GNAQ: variants seen among roughly 807,000 people sequenced by gnomAD.
The protein encoded by GNAQ is guanine nucleotide-binding protein G(q) subunit alpha.
GNAQ carries 8 observed loss-of-function variants against 43.9 expected under a neutral mutation model. The ratio of observed to expected loss-of-function variants is 0.18; its 90% CI spans 0.11 to 0.33. The LOEUF is 0.33. Ranked by LOEUF, GNAQ falls within the 10% of genes least tolerant of loss-of-function variation. GNAQ has a pLI of 1.00. For synonymous variants in GNAQ, 155 were observed against 170.7 expected (o/e 0.91, Z 0.71); for missense variants, 158 against 450.8 (o/e 0.35, Z 5.88).
intron 3 of GNAQ, among the ~76,000 whole-genome samples, chr9:77,810,349 A>C (rs1239223153): frequency 6.6e-6 from 1 of 151,170 alleles, no homozygotes; most frequent in African/African-American, 2.4e-5. Context: ...TTTGAATTCA[A>C]CTCCTCCTCC....
intron 3 of GNAQ, among the ~76,000 whole-genome samples, chr9:77,802,849 C>T (rs1308393854): frequency 6.6e-6 from 1 of 152,096 alleles, no homozygotes; most frequent in Non-Finnish European, 1.5e-5. Flanking sequence ...CTGCTTAAAC[C>T]CACCTTACTC....
intron 1 of GNAQ, among the ~76,000 whole-genome samples, chr9:78,008,020 C>T (rs765655398): frequency 6.6e-6 from 1 of 152,180 alleles, no homozygotes; most frequent in Non-Finnish European, 1.5e-5. Flanking sequence ...TTTCAACGAG[C>T]TATAATCATC....
At chr9:77,812,150 A>C (rs1356036449) in intron 3 of GNAQ, among the ~76,000 whole-genome samples, 2 of 152,248 alleles carry the variant, frequency 1.3e-5, no homozygotes, top group Non-Finnish European at 2.9e-5. Flanking sequence ...CAACTGATAA[A>C]AGAGGAAAAT....
intron 1 of GNAQ, among the ~76,000 whole-genome samples, chr9:77,934,826 CAGTT>C (rs1442187365): frequency 6.6e-6 from 1 of 152,224 alleles, no homozygotes; most frequent in Admixed American, 6.5e-5. Context: ...ATCTAATAGT[CAGTT>C]AAAAGGAAAA....
At position 77,922,560 on chromosome 9, in the gene GNAQ, A is replaced by AAAACCC. The variant is rs1470878889; in HGVS notation, c.137-221_137-216dup. Among the ~76,000 whole-genome samples the AAAACCC allele has an allele frequency of 2.6e-5, 4 of 152,276 alleles. No homozygotes were observed. In the East Asian group the frequency reaches 7.7e-4, roughly 29 times the overall value. On this transcript the variant is annotated intron_variant, in intron 1 of 6. Coordinates refer to ENST00000286548, the MANE Select transcript of GNAQ (RefSeq NM_002072.5). ...AGATGACCTCAAACAACAACAATGA[A>AAAACCC]AAACCCAAACCCGTCACCTCCTTGG...
At chr9:77,736,969 A>C (rs1376104403) in intron 5 of GNAQ, among the ~76,000 whole-genome samples, 1 of 152,094 alleles carries the variant, frequency 6.6e-6, no homozygotes, top group Non-Finnish European at 1.5e-5. Context: ...CTTTACGCTT[A>C]TTTTTTTACT....
At chr9:77,888,621 T>A (rs1418209825) in intron 2 of GNAQ, among the ~76,000 whole-genome samples, 1 of 152,224 alleles carries the variant, frequency 6.6e-6, no homozygotes, top group Non-Finnish European at 1.5e-5. Flanking sequence ...GTTGGAGTTC[T>A]GCTTGCCTTA....
chr9:78,029,116 G>A (rs1228665214), intron 1 of GNAQ, among the ~76,000 whole-genome samples: 1 of 152,012 alleles, frequency 6.6e-6, no homozygotes, highest in Non-Finnish European at 1.5e-5. Context: ...ATCCATGTAA[G>A]TGTATTTCCC....
At chr9:77,891,253 A>G (rs562981366) in intron 2 of GNAQ, among the ~76,000 whole-genome samples, 5 of 152,252 alleles carry the variant, frequency 3.3e-5, no homozygotes, top group African/African-American at 4.8e-5. Context: ...CTCAGTAGCC[A>G]GCCCTATCAC....
intron 1 of GNAQ, among the ~76,000 whole-genome samples, chr9:77,994,975 C>T (rs907699739): frequency 1.3e-4 from 20 of 152,230 alleles, no homozygotes; most frequent in African/African-American, 4.1e-4. Context: ...TCGAGAATAT[C>T]CATTTTAGAC....
chr9:77,981,552 C>A (rs1043545058), intron 1 of GNAQ, among the ~76,000 whole-genome samples: 11 of 152,154 alleles, frequency 7.2e-5, no homozygotes, highest in African/African-American at 2.7e-4. Context: ...CACTGTGAAT[C>A]AGGAAGTTCA....
At chr9:77,928,499 C>T (rs1488917657) in intron 1 of GNAQ, among the ~76,000 whole-genome samples, 2 of 152,164 alleles carry the variant, frequency 1.3e-5, no homozygotes, top group Admixed American at 1.3e-4. Flanking sequence ...AGGCAAAACA[C>T]ATTGAAAATT....
intron 2 of GNAQ, among the ~76,000 whole-genome samples, chr9:77,870,966 C>T (rs1428957488): frequency 6.6e-6 from 1 of 152,080 alleles, no homozygotes; most frequent in African/African-American, 2.4e-5. Context: ...GGATGGGAGA[C>T]TAACTGTAAT....
At chr9:77,888,796 G>A (rs1181094771) in intron 2 of GNAQ, among the ~76,000 whole-genome samples, 1 of 152,026 alleles carries the variant, frequency 6.6e-6, no homozygotes, top group Admixed American at 6.5e-5. Context: ...GGGAGCCTCT[G>A]GATTATTCAC....
chr9:77,981,612 A>C (rs1466507697), intron 1 of GNAQ, among the ~76,000 whole-genome samples: 1 of 152,194 alleles, frequency 6.6e-6, no homozygotes, highest in African/African-American at 2.4e-5. Flanking sequence ...CATGCAACCA[A>C]AAGTCCAGTA....
At chr9:78,008,654 T>A (rs1296036583) in intron 1 of GNAQ, among the ~76,000 whole-genome samples, 1 of 151,854 alleles carries the variant, frequency 6.6e-6, no homozygotes, top group East Asian at 1.9e-4. Context: ...AGTCTCGCTC[T>A]GTTGCCCAGG....
intron 1 of GNAQ, among the ~76,000 whole-genome samples, chr9:77,931,345 C>A (rs1420568799): frequency 4.6e-5 from 7 of 152,052 alleles, no homozygotes; most frequent in Non-Finnish European, 1.0e-4. Flanking sequence ...ATAATCCCAG[C>A]ACTTTGGGAG....
At chr9:77,793,782 C>T (rs1159378504) in intron 5 of GNAQ, among the ~76,000 whole-genome samples, 3 of 152,058 alleles carry the variant, frequency 2.0e-5, no homozygotes, top group African/African-American at 4.8e-5. Flanking sequence ...ATCGATTCAT[C>T]GTCAGGTCTT....
At chr9:77,905,879 A>G (rs888289953) in intron 2 of GNAQ, among the ~76,000 whole-genome samples, 1 of 152,164 alleles carries the variant, frequency 6.6e-6, no homozygotes, top group Non-Finnish European at 1.5e-5. Context: ...GAGTTGAACA[A>G]TGAGAACACA....
Sources: allele counts gnomAD v4.1 joint callset (sites outside exome capture counted in the v4.1 genomes callset), GRCh38; gene constraint gnomAD v4.1.1; transcripts MANE v1.5; gene names NCBI Gene and HGNC (gene_info 2026-07-23, HGNC 2026-07-21).